The following HS1BP3 variants were observed in gnomAD, a reference collection of about 807,000 sequenced individuals.
HS1BP3 encodes HCLS1-binding protein 3.
A neutral mutation model predicts 33.5 loss-of-function variants in HS1BP3; 32 were observed. The ratio of observed to expected loss-of-function variants is 0.95; its 90% CI spans 0.72 to 1.28. HS1BP3 has a LOEUF of 1.28. Among genes scored for constraint, HS1BP3 ranks in the 50% most tolerant of loss-of-function variants. The pLI, the probability that HS1BP3 is intolerant of heterozygous loss-of-function variation, is 0.00. For missense variants in HS1BP3, 486 were observed against 502.3 expected (o/e 0.97, Z 0.31); for synonymous variants, 187 against 209.2 (o/e 0.89, Z 0.92).
chr2:20,559,992 G>GAA (rs1410485352), downstream of HS1BP3, among the ~76,000 whole-genome samples: 1 of 144,524 alleles, frequency 6.9e-6, no homozygotes, highest in African/African-American at 2.9e-5. Context: ...CTTAGCAGCG[G>GAA]GAATACCAGG....
chr2:20,589,525 C>T (rs1390239525), downstream of HS1BP3, among the ~76,000 whole-genome samples: 2 of 152,178 alleles, frequency 1.3e-5, no homozygotes, highest in African/African-American at 2.4e-5. Context: ...TCTGAAAAAT[C>T]GACTGAGGGA....
intron 5 of HS1BP3, among the ~76,000 whole-genome samples, chr2:20,569,175 A>C (rs764746917): frequency 6.6e-6 from 1 of 152,140 alleles, no homozygotes; most frequent in African/African-American, 2.4e-5. Flanking sequence ...AGGGAGGCCC[A>C]TGTCCCACCA....
chr2:20,568,994 T>C (rs1693201658), intron 5 of HS1BP3, among the ~76,000 whole-genome samples: 2 of 152,148 alleles, frequency 1.3e-5, no homozygotes, highest in South Asian at 4.1e-4. Context: ...GGAGACTCTC[T>C]GGGGTAAGCA....
intron 5 of HS1BP3, among the ~76,000 whole-genome samples, chr2:20,587,197 T>G (rs1407622718): frequency 6.6e-6 from 1 of 152,242 alleles, no homozygotes; most frequent in Non-Finnish European, 1.5e-5. Context: ...CATTATGATA[T>G]GTCTGTACGA....
intron 4 of HS1BP3, chr2:20,638,115 G>A (rs1296338703): frequency 2.3e-4 from 117 of 504,576 alleles, no homozygotes; most frequent in Non-Finnish European, 1.0e-5. Context: ...TCCCACACTA[G>A]CCGGACAGGC....
At chr2:20,572,459 A>G (rs1252790596) in intron 5 of HS1BP3, among the ~76,000 whole-genome samples, 1 of 152,194 alleles carries the variant, frequency 6.6e-6, no homozygotes, top group African/African-American at 2.4e-5. Context: ...AGTTTGTTAT[A>G]CAGAGAGACA....
intron 4 of HS1BP3, among the ~76,000 whole-genome samples, chr2:20,626,745 TGTGGTGC>T (rs1694798936): frequency 1.3e-5 from 2 of 151,998 alleles, no homozygotes; most frequent in African/African-American, 4.8e-5. Context: ...AGGCCCTGCT[TGTGGTGC>T]TGGAGGTGAG....
At position 20,619,006 on chromosome 2, in the gene HS1BP3, GC is replaced by G; in HGVS notation, c.1159del (p.Ala387ProfsTer25). 6.2e-7 allele frequency: 1 copy of G among 1,613,966 alleles called. No individual in the cohort carries two copies. Among genetic ancestry groups the G allele is most frequent in the Non-Finnish European group, 8.5e-7 (1 of 1,179,940 alleles). On this transcript the variant is annotated frameshift_variant, in exon 7 of 7. Transcript: ENST00000304031. LOFTEE classifies it high-confidence loss of function. ...YIQDHDTPAQ[A>X]APSLF ...GAAGGGTCAGAAGAGGCTGGGGGCG[GC>G]CTGGGCTGGTGTATCGTGGTCCTGG...
At chr2:20,602,830 A>G (rs1449579868) in intron 2 of HS1BP3, among the ~76,000 whole-genome samples, 1 of 152,256 alleles carries the variant, frequency 6.6e-6, no homozygotes, top group Non-Finnish European at 1.5e-5. Context: ...CAAATTATAT[A>G]TCTGATAAGG....
In HS1BP3 at chr2:20,644,063, G is replaced by A. The variant is rs375992800; in HGVS notation, c.198+1277C>T. On this transcript the variant is annotated intron_variant, in intron 2 of 6. Transcript: ENST00000304031. ...TGCCAGGAGACTCCAAGCTAGCCCC[G>A]TGTCACTCCCTGCTGTACTTCGGGG... Among the ~76,000 whole-genome samples the A allele has an allele frequency of 1.8e-3, 268 of 152,250 alleles. 2 individuals are homozygous for A. The highest frequency in any genetic ancestry group is 5.8e-3 in the African/African-American group (241 of 41,532).
At chr2:20,580,100 G>A (rs1366606931) in intron 5 of HS1BP3, among the ~76,000 whole-genome samples, 1 of 152,262 alleles carries the variant, frequency 6.6e-6, no homozygotes, top group Non-Finnish European at 1.5e-5. Context: ...ACAGCCCCAA[G>A]GGGGCAAGGA....
chr2:20,622,069 A>C (rs201512842), intron 6 of HS1BP3: 2 of 630,434 alleles, frequency 3.2e-6, no homozygotes, highest in Non-Finnish European at 4.5e-6. Flanking sequence ...GTGGCTGCAC[A>C]GCCAGAAGGA....
At chr2:20,584,296 C>T (rs1693628918) in intron 5 of HS1BP3, among the ~76,000 whole-genome samples, 1 of 152,212 alleles carries the variant, frequency 6.6e-6, no homozygotes, top group Non-Finnish European at 1.5e-5. Context: ...TCTAATCACC[C>T]TATATCTAGA....
intron 5 of HS1BP3, among the ~76,000 whole-genome samples, chr2:20,581,955 A>G (rs1375949613): frequency 6.6e-6 from 1 of 152,152 alleles, no homozygotes. Context: ...AAGGAGAGGT[A>G]CTCGACTCAG....
At chr2:20,638,323 G>A (rs2149300366) in intron 4 of HS1BP3, 113 bp downstream of exon 4, 2 of 1,049,292 alleles carry the variant, frequency 1.9e-6, no homozygotes, top group Non-Finnish European at 2.8e-6. Context: ...AGATCCCTGC[G>A]AGGGGGCGAC....
At chr2:20,580,334 C>A (rs967269220) in intron 5 of HS1BP3, among the ~76,000 whole-genome samples, 54 of 152,202 alleles carry the variant, frequency 3.5e-4, no homozygotes, top group Non-Finnish European at 2.9e-5. Context: ...GCCTGGGCGA[C>A]ACAGTGAAAC....
chr2:20,609,051 T>A (rs1209152818), intron 2 of HS1BP3, among the ~76,000 whole-genome samples: 1 of 152,132 alleles, frequency 6.6e-6, no homozygotes, highest in African/African-American at 2.4e-5. Flanking sequence ...CCCAAAACCT[T>A]GTTGGCCTGA....
chr2:20,647,731 C>T (rs1269007114), intron 1 of HS1BP3, among the ~76,000 whole-genome samples: 1 of 152,170 alleles, frequency 6.6e-6, no homozygotes. Flanking sequence ...TATCTGGTCT[C>T]TGCTGCAGCT....
intron 4 of HS1BP3, among the ~76,000 whole-genome samples, chr2:20,629,377 TGCCCGCCCTCCA>T (rs1694900624): frequency 6.6e-6 from 1 of 152,190 alleles, no homozygotes; most frequent in Non-Finnish European, 1.5e-5. Flanking sequence ...GGCTCTGCAG[TGCCCGCCCTCCA>T]GCCCGCCCTC....
Sources: allele counts gnomAD v4.1 joint callset (sites outside exome capture counted in the v4.1 genomes callset), GRCh38; gene constraint gnomAD v4.1.1; transcripts MANE v1.5; gene names NCBI Gene and HGNC (gene_info 2026-07-23, HGNC 2026-07-21).